TNPO3: variants seen among roughly 807,000 people sequenced by gnomAD.
TNPO3 encodes transportin 3, also known as transportin-3.
Under a neutral mutation model 122.8 loss-of-function variants are expected in TNPO3, and 65 were observed. The ratio of observed to expected loss-of-function variants is 0.53; its 90% CI spans 0.43 to 0.65. The LOEUF (loss-of-function observed/expected upper bound fraction) is 0.65, where lower values mean the gene tolerates loss of function less well. Ranked by LOEUF, TNPO3 falls within the 30% of genes least tolerant of loss-of-function variation. The probability of loss-of-function intolerance (pLI) is 0.00; values close to 1 mark genes in which losing one functional copy is unlikely to be tolerated. For synonymous variants in TNPO3, 372 were observed against 411.2 expected (o/e 0.90, Z 1.15); for missense variants, 850 against 1,136.7 (o/e 0.75, Z 3.63).
intron 4 of TNPO3, among the ~76,000 whole-genome samples, chr7:129,005,571 T>C (rs1802481109): frequency 6.6e-6 from 1 of 152,146 alleles, no homozygotes; most frequent in African/African-American, 2.4e-5. Flanking sequence ...TCACGAGATC[T>C]GGTTGTTTCA....
rs1319470930 is a variant in TNPO3, at chr7:128,998,177, G to A, written c.1012-642C>T. Among the ~76,000 whole-genome samples, 5 of 151,722 alleles carry A rather than the reference G, an allele frequency of 3.3e-5. No homozygotes were observed. In the South Asian group the frequency reaches 6.3e-4, roughly 19 times the overall value. ...TATTTAAAACAAATTTCAGCCAGGC[G>A]CGAAACACCATCTCTAAAAAAATAC... On this transcript the variant is annotated intron_variant, in intron 7 of 22. Coordinates refer to ENST00000265388, the MANE Select transcript of TNPO3 (RefSeq NM_012470.4).
At chr7:129,052,507 T>C (rs1320321168) in intron 1 of TNPO3, among the ~76,000 whole-genome samples, 3 of 152,270 alleles carry the variant, frequency 2.0e-5, no homozygotes, top group East Asian at 3.8e-4. Context: ...GTGTGCCATC[T>C]GTTCCTGTCT....
intron 1 of TNPO3, among the ~76,000 whole-genome samples, chr7:129,022,839 C>T (rs1009672896): frequency 6.6e-6 from 1 of 152,104 alleles, no homozygotes; most frequent in African/African-American, 2.4e-5. Context: ...GATATTATTC[C>T]TATAAGCCCT....
chr7:129,034,363 C>T (rs535489015), intron 1 of TNPO3, among the ~76,000 whole-genome samples: 1 of 151,896 alleles, frequency 6.6e-6, no homozygotes, highest in Non-Finnish European at 1.5e-5. Flanking sequence ...GGCATGATGG[C>T]ATGTCTGTAG....
chr7:128,996,659 C>T lies in TNPO3; in HGVS notation c.1158+730G>A, dbSNP rs1489551731. Among the ~76,000 whole-genome samples the T allele has an allele frequency of 6.4e-5, 9 of 140,718 alleles. No homozygotes were observed. The East Asian group carries it at 1.1e-3, about 18-fold the overall frequency. The allele number at this position is 140,718 out of a possible 152,430, so 92.3% of individuals were successfully genotyped here. On this transcript the variant is annotated intron_variant, in intron 8 of 22. Transcript: ENST00000265388. ...TCGGGAGGCTGAGACAGGAGAATGG[C>T]GTGAACCCAGGAGGCAGAGTTTGCA...
chr7:128,974,857 G>A lies in TNPO3; in HGVS notation c.2273+11C>T. On this transcript the variant is annotated intron_variant, in intron 18 of 22. Coordinates refer to ENST00000265388, the MANE Select transcript of TNPO3 (RefSeq NM_012470.4). ...GAGCAATTAAGAAATGGGCTCTTCA[G>A]AAGGATTTACCTGGTGGCTAGCCGG... 2 of 1,610,086 alleles carry A rather than the reference G, an allele frequency of 1.2e-6. No individual in the cohort carries two copies. The highest frequency in any genetic ancestry group is 1.1e-5 in the South Asian group (1 of 90,992).
chr7:128,997,106 A>G (rs950088301), intron 8 of TNPO3, among the ~76,000 whole-genome samples: 1 of 152,016 alleles, frequency 6.6e-6, no homozygotes, highest in African/African-American at 2.4e-5. Flanking sequence ...AATCCTCCCA[A>G]CTCAGCTTCC....
chr7:129,014,302 C>T (rs1803577771), intron 4 of TNPO3, among the ~76,000 whole-genome samples: 1 of 152,184 alleles, frequency 6.6e-6, no homozygotes, highest in South Asian at 2.1e-4. Context: ...GCAGGTGGAT[C>T]ACTTGAGGTC....
chr7:129,005,532 T>A (rs1028651373), intron 4 of TNPO3, among the ~76,000 whole-genome samples: 1 of 152,016 alleles, frequency 6.6e-6, no homozygotes, highest in Non-Finnish European at 1.5e-5. Flanking sequence ...GGAATGAACA[T>A]CCCCCTTGCT....
chr7:128,977,416 T>C (rs1413355933), intron 16 of TNPO3, among the ~76,000 whole-genome samples: 4 of 152,188 alleles, frequency 2.6e-5, no homozygotes, highest in Non-Finnish European at 5.9e-5. Flanking sequence ...ATAGTGAAAG[T>C]AGAGAAATCA....
At chr7:129,046,578 CAAT>C (rs1336279763) in intron 1 of TNPO3, among the ~76,000 whole-genome samples, 4 of 152,134 alleles carry the variant, frequency 2.6e-5, no homozygotes, top group African/African-American at 9.7e-5. Flanking sequence ...GCTAAAGAAT[CAAT>C]AAATTCCAAA....
At chr7:129,025,364 A>C (rs1805006403) in intron 1 of TNPO3, among the ~76,000 whole-genome samples, 4 of 91,750 alleles carry the variant, frequency 4.4e-5, no homozygotes, top group Admixed American at 1.1e-4. Flanking sequence ...AAAAAAAAAA[A>C]AAAAAAAAAA....
intron 21 of TNPO3, among the ~76,000 whole-genome samples, chr7:128,964,918 T>C (rs940542632): frequency 8.5e-5 from 13 of 152,170 alleles, no homozygotes; most frequent in Admixed American, 6.5e-5. Context: ...GACCCTTACC[T>C]AATACCACAT....
chr7:128,991,685 C>G (rs1048153017), intron 10 of TNPO3, among the ~76,000 whole-genome samples: 1 of 152,180 alleles, frequency 6.6e-6, no homozygotes, highest in African/African-American at 2.4e-5. Context: ...CAAGTACCAA[C>G]AATTAAACAG....
At chr7:129,015,653 G>T (rs543161303) in intron 3 of TNPO3, among the ~76,000 whole-genome samples, 100 of 151,964 alleles carry the variant, frequency 6.6e-4, no homozygotes, top group Non-Finnish European at 1.3e-3. Flanking sequence ...GGCATCACAG[G>T]GAGACCGTTT....
At chr7:128,994,056 T>G (rs1801036519) in intron 8 of TNPO3, 142 bp from the exon 9 acceptor site, 2 of 677,004 alleles carry the variant, frequency 3.0e-6, no homozygotes, top group Admixed American at 3.0e-5. Flanking sequence ...GGTATTTTAT[T>G]TTAGACAGAG....
At chr7:129,047,556 G>C (rs1230858714) in intron 1 of TNPO3, among the ~76,000 whole-genome samples, 1 of 152,170 alleles carries the variant, frequency 6.6e-6, no homozygotes, top group Non-Finnish European at 1.5e-5. Context: ...GAAAATGGCT[G>C]TTTTATACAA....
At position 128,997,462 on chromosome 7, in the gene TNPO3, T is replaced by C; in HGVS notation, c.1085A>G (p.His362Arg). The C allele has an allele frequency of 6.2e-7, 1 of 1,614,126 alleles. No individual in the cohort carries two copies. Among genetic ancestry groups the C allele is most frequent in the Non-Finnish European group, 8.5e-7 (1 of 1,179,932 alleles). Residue 362 changes from histidine (H) to arginine (R), a missense_variant, in exon 8 of 23, where the codon CAT (histidine) becomes CGT (arginine). Physicochemically the swap from His to Arg is conservative, Grantham distance 29. Coordinates refer to ENST00000265388, the MANE Select transcript of TNPO3 (RefSeq NM_012470.4). ...CTGAATGTAAGCTTTGAAGATGCCA[T>C]GAATAACTTCATCGTTAGTTTTGTA... ...HLYKTNDEVI[H>R]GIFKAYIQRL...
In TNPO3 at chr7:128,980,117, T is replaced by C; in HGVS notation, c.1860-86A>G. The C allele has an allele frequency of 6.1e-6, 7 of 1,153,066 alleles. No individual in the cohort carries two copies. In the South Asian group the frequency reaches 8.6e-5, roughly 14 times the overall value. The allele number at this position is 1,153,066 out of a possible 1,614,324, so 71.4% of individuals were successfully genotyped here. On this transcript the variant is annotated intron_variant, in intron 14 of 22. Coordinates refer to ENST00000265388, the MANE Select transcript of TNPO3 (RefSeq NM_012470.4). ...CCCTGATCCCTGCTTGCTTACTTAG[T>C]ATCATTTTCACCAAATAAAGAAAAC...
Sources: allele counts gnomAD v4.1 joint callset (sites outside exome capture counted in the v4.1 genomes callset), GRCh38; gene constraint gnomAD v4.1.1; transcripts MANE v1.5; gene names NCBI Gene and HGNC (gene_info 2026-07-23, HGNC 2026-07-21).